Variants in SORCS1 observed in about 807,000 individuals in gnomAD.
SORCS1 encodes sortilin related VPS10 domain containing receptor 1, also known as VPS10 domain-containing receptor SorCS1.
Under a neutral mutation model 146.1 loss-of-function variants are expected in SORCS1, and 60 were observed. The ratio of observed to expected loss-of-function variants is 0.41; its 90% CI spans 0.33 to 0.51. The LOEUF (loss-of-function observed/expected upper bound fraction) is 0.51, where lower values mean the gene tolerates loss of function less well. SORCS1 is among the 20% of genes least tolerant of loss of function. The pLI is 0.21. For synonymous variants in SORCS1, 637 were observed against 584.0 expected (o/e 1.09, Z -1.31); for missense variants, 1,352 against 1,487.6 (o/e 0.91, Z 1.50).
In SORCS1 at chr10:106,843,842, G is replaced by A. The variant is rs1234233860; in HGVS notation, c.627-14169C>T. ...AGGTTGTTTCCGTATCTTGGCTATT[G>A]TGAATAATGTTGCAATGAACACAGA... On this transcript the variant is annotated intron_variant, in intron 2 of 25. Transcript: ENST00000263054. Among the ~76,000 whole-genome samples, 10 of 152,144 alleles carry A rather than the reference G, an allele frequency of 6.6e-5. No individual in the cohort carries two copies. The East Asian group carries it at 1.9e-3, about 29-fold the overall frequency.
intron 5 of SORCS1, among the ~76,000 whole-genome samples, chr10:106,748,662 T>C (rs112649647): frequency 2.0e-5 from 3 of 152,256 alleles, no homozygotes; most frequent in African/African-American, 7.2e-5. Context: ...TTGATGAAAA[T>C]TTAGACTTTA....
chr10:106,740,330 T>G (rs912196295), intron 5 of SORCS1, among the ~76,000 whole-genome samples: 9 of 152,162 alleles, frequency 5.9e-5, no homozygotes, highest in African/African-American at 2.2e-4. Flanking sequence ...TCCTGGGATA[T>G]CCTTAATATT....
chr10:106,950,378 C>T (rs1188681810), intron 2 of SORCS1, among the ~76,000 whole-genome samples: 1 of 152,180 alleles, frequency 6.6e-6, no homozygotes, highest in Non-Finnish European at 1.5e-5. Flanking sequence ...GACTACCCTA[C>T]CACCTCAAGG....
chr10:106,796,364 T>A (rs2255917), intron 3 of SORCS1, among the ~76,000 whole-genome samples: 16,884 of 152,096 alleles, frequency 0.11, 1,131 homozygotes, highest in East Asian at 0.36. Flanking sequence ...AAATCTAAGA[T>A]CAGAAATTTT....
chr10:107,160,761 CT>C (rs1006046135), intron 1 of SORCS1, among the ~76,000 whole-genome samples: 3 of 152,134 alleles, frequency 2.0e-5, no homozygotes, highest in African/African-American at 7.2e-5. Context: ...TACTTACTAC[CT>C]ACAAAGGATT....
intron 2 of SORCS1, among the ~76,000 whole-genome samples, chr10:106,872,434 C>G (rs1286743812): frequency 6.6e-6 from 1 of 152,172 alleles, no homozygotes; most frequent in Non-Finnish European, 1.5e-5. Context: ...ATAACTGTGC[C>G]TAAACCACAA....
intron 1 of SORCS1, among the ~76,000 whole-genome samples, chr10:107,153,555 A>G (rs1969019176): frequency 6.6e-6 from 1 of 152,214 alleles, no homozygotes; most frequent in African/African-American, 2.4e-5. Flanking sequence ...GATGATAAAC[A>G]AAAGGCCTGG....
intron 2 of SORCS1, among the ~76,000 whole-genome samples, chr10:106,906,080 A>T (rs982766288): frequency 1.3e-5 from 2 of 152,214 alleles, no homozygotes; most frequent in African/African-American, 4.8e-5. Flanking sequence ...TGATAAAGAC[A>T]TACCCAAGAC....
chr10:107,129,775 G>A (rs1327729354), intron 1 of SORCS1, among the ~76,000 whole-genome samples: 3 of 152,132 alleles, frequency 2.0e-5, no homozygotes, highest in African/African-American at 7.2e-5. Context: ...TGATGGCTTG[G>A]ATGAAATCTC....
At chr10:106,803,170 A>C (rs919156636) in intron 3 of SORCS1, among the ~76,000 whole-genome samples, 1 of 152,210 alleles carries the variant, frequency 6.6e-6, no homozygotes, top group African/African-American at 2.4e-5. Context: ...AACCAAAATC[A>C]GCCAGCTTGC....
At chr10:106,667,985 A>G (rs899509026) in intron 16 of SORCS1, among the ~76,000 whole-genome samples, 183 bp from the exon 17 acceptor site, 3 of 152,174 alleles carry the variant, frequency 2.0e-5, no homozygotes, top group East Asian at 3.8e-4. Context: ...AACTTTTTTC[A>G]TAGAATATCT....
chr10:106,823,061 G>C (rs1263345057), intron 3 of SORCS1, among the ~76,000 whole-genome samples: 2 of 152,106 alleles, frequency 1.3e-5, no homozygotes, highest in East Asian at 3.9e-4. Flanking sequence ...GGGATTACAG[G>C]TGTAAGCCAC....
At chr10:106,851,048 G>A (rs934755893) in intron 2 of SORCS1, among the ~76,000 whole-genome samples, 1 of 152,120 alleles carries the variant, frequency 6.6e-6, no homozygotes, top group Non-Finnish European at 1.5e-5. Flanking sequence ...CTTAATCCTA[G>A]CCACCTGCAC....
At chr10:106,823,881 T>C (rs1948170211) in intron 3 of SORCS1, among the ~76,000 whole-genome samples, 1 of 152,212 alleles carries the variant, frequency 6.6e-6, no homozygotes, top group Non-Finnish European at 1.5e-5. Context: ...TCAGTCTCCA[T>C]ATCTGTTAAA....
intron 2 of SORCS1, among the ~76,000 whole-genome samples, chr10:106,891,479 G>A (rs1164904876): frequency 8.7e-6 from 1 of 114,398 alleles, no homozygotes; most frequent in Non-Finnish European, 2.0e-5. Context: ...AGACAACAAA[G>A]TAATCAGAAG....
At chr10:107,161,570 C>A (rs1969705515) in intron 1 of SORCS1, among the ~76,000 whole-genome samples, 1 of 152,082 alleles carries the variant, frequency 6.6e-6, no homozygotes, top group Non-Finnish European at 1.5e-5. Flanking sequence ...ACCGGCATAG[C>A]CCCCACTTTA....
intron 17 of SORCS1, among the ~76,000 whole-genome samples, chr10:106,663,327 T>C (rs971919092): frequency 3.3e-5 from 5 of 152,126 alleles, no homozygotes; most frequent in African/African-American, 7.2e-5. Context: ...CCAAATTAAT[T>C]TGTGTATTTT....
intron 2 of SORCS1, among the ~76,000 whole-genome samples, chr10:106,911,734 A>G (rs1188858902): frequency 1.3e-5 from 2 of 152,132 alleles, no homozygotes; most frequent in Non-Finnish European, 2.9e-5. Context: ...ATTTTTCTCA[A>G]TGCCAATAAC....
chr10:106,639,502 T>A (rs1430023839), intron 18 of SORCS1, among the ~76,000 whole-genome samples: 1 of 152,170 alleles, frequency 6.6e-6, no homozygotes, highest in African/African-American at 2.4e-5. Context: ...AAGTGGAGAC[T>A]TAGAAAGAGT....
Sources: gnomAD v4.1 joint callset for allele counts (sites outside exome capture counted in the v4.1 genomes callset) on GRCh38, gnomAD v4.1.1 for gene constraint, MANE v1.5 for transcripts, NCBI Gene and HGNC (gene_info 2026-07-23, HGNC 2026-07-21) for gene names.